ANKFY1: variants seen among roughly 807,000 people sequenced by gnomAD.
ANKFY1 encodes the protein ankyrin repeat and FYVE domain-containing protein 1.
ANKFY1 carries 47 observed loss-of-function variants against 128.3 expected under a neutral mutation model. That is an observed-to-expected ratio of 0.37 (90% confidence interval 0.29 to 0.47). ANKFY1 has a LOEUF of 0.47. Ranked by LOEUF, ANKFY1 falls within the 20% of genes least tolerant of loss-of-function variation. The pLI is 1.00. For synonymous variants in ANKFY1, 553 were observed against 601.6 expected (o/e 0.92, Z 1.18); for missense variants, 1,222 against 1,510.6 (o/e 0.81, Z 3.17).
At chr17:4,228,965 A>C (rs2060470698) in intron 3 of ANKFY1, among the ~76,000 whole-genome samples, 1 of 152,170 alleles carries the variant, frequency 6.6e-6, no homozygotes, top group Non-Finnish European at 1.5e-5. Context: ...GTTAATACAT[A>C]ATAAAGCACT....
At position 4,167,587 on chromosome 17, in the gene ANKFY1, T is replaced by C; in HGVS notation, c.*192A>G. The C allele has an allele frequency of 1.9e-6, 1 of 526,248 alleles. No homozygotes were observed. Among genetic ancestry groups the C allele is most frequent in the Non-Finnish European group, 3.2e-6 (1 of 315,960 alleles). 32.6% of individuals were successfully genotyped at this position (526,248 alleles called of 1,614,324 possible). A position where few individuals can be genotyped will look rare whatever the true frequency, so the allele number is the denominator to read the frequency against. On this transcript the variant is annotated 3_prime_UTR_variant, in exon 25 of 25. Transcript: ENST00000341657. The surrounding 1 kb of genome is among the most constrained non-coding windows in gnomAD (Gnocchi z 4.1). ...AGACATCTAGTGAAATCGATCACAG[T>C]CTGACACACACACTGACAATCATAT... is the stretch of plus-strand genomic sequence containing the variant.
chr17:4,215,469 C>T (rs1023290409), intron 4 of ANKFY1, among the ~76,000 whole-genome samples: 4 of 152,080 alleles, frequency 2.6e-5, no homozygotes, highest in Admixed American at 1.3e-4. Context: ...CACACTGAAC[C>T]GCACCCGTCG....
At chr17:4,206,986 C>T (rs1020787305) in intron 6 of ANKFY1, among the ~76,000 whole-genome samples, 2 of 152,144 alleles carry the variant, frequency 1.3e-5, no homozygotes, top group Admixed American at 6.6e-5. Flanking sequence ...CCCCCAAAGA[C>T]GGACATGTCC....
In ANKFY1 at chr17:4,167,950, A is replaced by G. The variant is rs963371312; in HGVS notation, c.3378-39T>C. ...GAAAGGAAGTATGAGAGGAGCGCCA[A>G]CGACAGACTCTGCTTCCTGGCACGT... On this transcript the variant is annotated intron_variant, in intron 24 of 24. Coordinates refer to ENST00000341657, the MANE Select transcript of ANKFY1 (RefSeq NM_001330063.2). This position sits in a 1 kb window ranked among gnomAD's most constrained non-coding sequence, Gnocchi z 4.1. 1.1e-5 allele frequency: 18 copies of G among 1,596,632 alleles called. No individual in the cohort carries two copies. Among genetic ancestry groups the G allele is most frequent in the Non-Finnish European group, 1.4e-5 (16 of 1,169,312 alleles).
intron 1 of ANKFY1, among the ~76,000 whole-genome samples, chr17:4,255,162 G>GGCATTTCC (rs1430110511): frequency 6.6e-6 from 1 of 151,614 alleles, no homozygotes; most frequent in Non-Finnish European, 1.5e-5. Flanking sequence ...ACATCACCCT[G>GGCATTTCC]GCATTTCCTT....
At chr17:4,168,090 C>G in intron 24 of ANKFY1, 179 bp from the exon 25 acceptor site, 3 of 511,326 alleles carry the variant, frequency 5.9e-6, no homozygotes, top group Non-Finnish European at 1.0e-5. Flanking sequence ...TCTATGAAAA[C>G]AAAACTCTAG....
rs1472141390 is a variant in ANKFY1, at chr17:4,209,750, T to C, written c.582+74A>G. 18 of 1,499,828 alleles carry C rather than the reference T, an allele frequency of 1.2e-5. No individual in the cohort carries two copies. The East Asian group carries it at 3.5e-4, about 29-fold the overall frequency. 92.9% of individuals were successfully genotyped at this position (1,499,828 alleles called of 1,614,324 possible). ...CAGGTGCCAGAGAGGTCACTTTCCA[T>C]GGAACTACGTCCCCAGCGGCGGTCT... On this transcript the variant is annotated intron_variant, in intron 5 of 24. Transcript: ENST00000341657.
rs745729262 is a variant in ANKFY1 at position 4,183,889 on chromosome 17, TTGG to T, written c.1718_1720del (p.Thr573del). 1 of 1,613,720 alleles carries T rather than the reference TTGG, an allele frequency of 6.2e-7. No homozygotes were observed. The highest frequency in any genetic ancestry group is 2.2e-5 in the East Asian group (1 of 44,882). ...GAAGTCCGGAATGATCTGCAAGTTGTTGGTGGCATGAAGAGCATTGGCTAAATG... is the reference window on the plus strand; with the variant it reads ...GAAGTCCGGAATGATCTGCAAGTTGTTGGCATGAAGAGCATTGGCTAAATG... On this transcript the variant is annotated inframe_deletion, in exon 13 of 25. Transcript: ENST00000341657.
rs1045367540 is a variant in ANKFY1, at chr17:4,169,749, G to A, written c.3287-461C>T. ...AGACACGGGTGATTTCCAGGCTTCC[G>A]GAGAGTGCCTGGGTCTGCAGTGGGA... On this transcript the variant is annotated intron_variant, in intron 23 of 24. Coordinates refer to ENST00000341657, the MANE Select transcript of ANKFY1 (RefSeq NM_001330063.2). The surrounding 1 kb of genome is among the most constrained non-coding windows in gnomAD (Gnocchi z 5.0). 3.3e-5 allele frequency among the ~76,000 whole-genome samples: 5 copies of A among 152,194 alleles called. No individual in the cohort carries two copies. Among genetic ancestry groups the A allele is most frequent in the African/African-American group, 7.2e-5 (3 of 41,442 alleles).
intron 1 of ANKFY1, among the ~76,000 whole-genome samples, chr17:4,244,729 A>G (rs1235384327): frequency 1.3e-5 from 2 of 151,876 alleles, no homozygotes; most frequent in Non-Finnish European, 2.9e-5. Flanking sequence ...TCTCCTTCCT[A>G]CCCAAGTTTA....
chr17:4,183,987 A>T (rs778558510), intron 12 of ANKFY1, 77 bp from the exon 13 acceptor site: 48 of 1,245,242 alleles, frequency 3.9e-5, no homozygotes, highest in Non-Finnish European at 5.5e-5. Flanking sequence ...TAGAGTAAGA[A>T]CTCAAACTGC....
At chr17:4,226,546 G>A (rs1401094548) in intron 3 of ANKFY1, among the ~76,000 whole-genome samples, 1 of 151,872 alleles carries the variant, frequency 6.6e-6, no homozygotes, top group African/African-American at 2.4e-5. Context: ...GAGAACGGGA[G>A]AGCAAAGTAA....
chr17:4,198,696 A>G (rs1347994533), intron 7 of ANKFY1, among the ~76,000 whole-genome samples: 2 of 152,164 alleles, frequency 1.3e-5, no homozygotes, highest in Non-Finnish European at 2.9e-5. Context: ...TAATCTCATT[A>G]TATACACATA....
chr17:4,193,623 A>G (rs1413137944), intron 10 of ANKFY1, among the ~76,000 whole-genome samples: 2 of 151,798 alleles, frequency 1.3e-5, no homozygotes, highest in South Asian at 2.1e-4. Flanking sequence ...ACGGTGTTTC[A>G]CCATGTTGGC....
At chr17:4,175,130 C>T (rs1442549516) in intron 19 of ANKFY1, among the ~76,000 whole-genome samples, 2 of 151,110 alleles carry the variant, frequency 1.3e-5, no homozygotes, top group African/African-American at 4.8e-5. Context: ...CCCAGAAGTT[C>T]GAGACCAACC....
chr17:4,181,688 C>CG lies in ANKFY1; in HGVS notation c.2122-317dup, dbSNP rs2059519796. ...AAGTGTCTGTGTACACATGCACCAA[C>CG]GGGTCCTCAGTAACACACACCTGCA... On this transcript the variant is annotated intron_variant, in intron 15 of 24. Transcript: ENST00000341657. This position sits in a 1 kb window ranked among gnomAD's most constrained non-coding sequence, Gnocchi z 4.9. Among the ~76,000 whole-genome samples, 1 of 152,168 alleles carries CG rather than the reference C, an allele frequency of 6.6e-6. No individual in the cohort carries two copies. Among genetic ancestry groups the CG allele is most frequent in the African/African-American group, 2.4e-5 (1 of 41,426 alleles).
At chr17:4,226,467 T>C (rs930673868) in intron 3 of ANKFY1, among the ~76,000 whole-genome samples, 1 of 152,040 alleles carries the variant, frequency 6.6e-6, no homozygotes, top group African/African-American at 2.4e-5. Context: ...CTTTAAATAC[T>C]TGTATTAGAA....
At chr17:4,263,601 C>A in intron 1 of ANKFY1, 1 of 1,534,936 alleles carries the variant, frequency 6.5e-7, no homozygotes, top group Non-Finnish European at 8.7e-7. Context: ...TTACTTCCCC[C>A]GGCGTCCCGG....
At chr17:4,207,104 C>A (rs958498776) in intron 6 of ANKFY1, among the ~76,000 whole-genome samples, 1 of 152,080 alleles carries the variant, frequency 6.6e-6, no homozygotes, top group Middle Eastern at 3.4e-3. Context: ...CCAGGAGGCC[C>A]GACCTATCTA....
Sources: allele counts gnomAD v4.1 joint callset (sites outside exome capture counted in the v4.1 genomes callset), GRCh38; gene constraint gnomAD v4.1.1; non-coding constraint Gnocchi (gnomAD v3.1); transcripts MANE v1.5; gene names NCBI Gene and HGNC (gene_info 2026-07-23, HGNC 2026-07-21).